The following RAP1B variants were observed in gnomAD, a reference collection of about 807,000 sequenced individuals.
The protein encoded by RAP1B is ras-related protein Rap-1b.
Under a neutral mutation model 27.5 loss-of-function variants are expected in RAP1B, and 1 was observed. The observed-to-expected ratio is 0.04, with a 90% CI of 0.01 to 0.17. RAP1B has a LOEUF of 0.17. Among genes scored for constraint, RAP1B ranks in the 10% least tolerant of loss-of-function variants. The probability of loss-of-function intolerance (pLI) is 1.00; values close to 1 mark genes in which losing one functional copy is unlikely to be tolerated. For synonymous variants in RAP1B, 75 were observed against 73.1 expected (o/e 1.03, Z -0.13); for missense variants, 84 against 214.8 (o/e 0.39, Z 3.81).
chr12:68,642,434 TA>T (rs1399862152), intron 1 of RAP1B: 9 of 624,832 alleles, frequency 1.4e-5, no homozygotes, highest in Non-Finnish European at 2.0e-5. Context: ...ATTATGGTGC[TA>T]TTGGTCTACT....
At position 68,648,409 on chromosome 12, in the gene RAP1B, G is replaced by A. The variant is rs60284374; in HGVS notation, c.-26-290G>A. On this transcript the variant is annotated intron_variant, in intron 1 of 7. Transcript: ENST00000250559. ...AACCACAGACAATACACAAATGAGTGGATATGGCTGTGTTTGAGTAAAACT... is the reference window on the plus strand; with the variant it reads ...AACCACAGACAATACACAAATGAGTAGATATGGCTGTGTTTGAGTAAAACT... Among the ~76,000 whole-genome samples the A allele has an allele frequency of 0.052, 7,913 of 152,198 alleles. 666 individuals carry two copies. The highest frequency in any genetic ancestry group is 0.18 in the African/African-American group (7,501 of 41,474).
chr12:68,634,487 A>G (rs1872492647), intron 1 of RAP1B, among the ~76,000 whole-genome samples: 1 of 152,050 alleles, frequency 6.6e-6, no homozygotes, highest in African/African-American at 2.4e-5. Context: ...TTTAAGTCAC[A>G]TCTAGAGAAT....
chr12:68,646,394 C>A (rs1248903800), intron 1 of RAP1B, among the ~76,000 whole-genome samples: 1 of 151,956 alleles, frequency 6.6e-6, no homozygotes, highest in African/African-American at 2.4e-5. Context: ...TTCTCGGGTT[C>A]ACTCGATTCT....
intron 1 of RAP1B, among the ~76,000 whole-genome samples, chr12:68,616,112 C>T (rs950094298): frequency 6.8e-4 from 102 of 150,230 alleles, no homozygotes; most frequent in Admixed American, 1.5e-3. Context: ...TACAGGCGCC[C>T]GCCACCACAC....
chr12:68,641,233 ACTC>A (rs1872979529), intron 1 of RAP1B: 1 of 151,726 alleles, frequency 6.6e-6, no homozygotes. Flanking sequence ...CTGGTCTTGA[ACTC>A]CTCCTGAGTT....
At chr12:68,658,240 T>C (rs574083364) in intron 7 of RAP1B, among the ~76,000 whole-genome samples, 1 of 152,378 alleles carries the variant, frequency 6.6e-6, no homozygotes, top group Non-Finnish European at 1.5e-5. Context: ...TATTCCTGCC[T>C]TCCATCTAGG....
intron 1 of RAP1B, among the ~76,000 whole-genome samples, chr12:68,643,662 A>G (rs1029875322): frequency 2.0e-5 from 3 of 152,132 alleles, no homozygotes; most frequent in Admixed American, 6.5e-5. Flanking sequence ...TCCAACATCA[A>G]TATTTTATAG....
chr12:68,646,302 GT>G (rs1387360865), intron 1 of RAP1B, among the ~76,000 whole-genome samples: 21 of 146,278 alleles, frequency 1.4e-4, no homozygotes, highest in Admixed American at 2.0e-4. Context: ...TTTTTGGTGT[GT>G]TTTTTTTTTT....
intron 1 of RAP1B, among the ~76,000 whole-genome samples, chr12:68,614,229 G>T (rs913631134): frequency 5.3e-5 from 8 of 152,104 alleles, no homozygotes; most frequent in Non-Finnish European, 1.0e-4. Flanking sequence ...ATCTGAAATT[G>T]GATCTGATAC....
chr12:68,616,464 T>C (rs1400136851), intron 1 of RAP1B, among the ~76,000 whole-genome samples: 3 of 117,364 alleles, frequency 2.6e-5, no homozygotes, highest in African/African-American at 9.4e-5. Flanking sequence ...TTTTTTTTTT[T>C]GAGACGGAGT....
At chr12:68,656,108 G>C (rs888778687) in intron 5 of RAP1B, among the ~76,000 whole-genome samples, 198 bp from the exon 6 acceptor site, 16 of 152,278 alleles carry the variant, frequency 1.1e-4, no homozygotes, top group African/African-American at 3.6e-4. Flanking sequence ...AGGCAGTGGA[G>C]ATAATTGACA....
chr12:68,661,584 G>A lies in RAP1B; in HGVS notation c.*2335G>A, dbSNP rs778445865. 4 of 151,838 alleles carry A rather than the reference G, an allele frequency of 2.6e-5. No individual in the cohort carries two copies. The highest frequency in any genetic ancestry group is 2.1e-4 in the South Asian group (1 of 4,826). 9.4% of individuals were successfully genotyped at this position (151,838 alleles called of 1,614,324 possible). On this transcript the variant is annotated 3_prime_UTR_variant, in exon 8 of 8. Transcript: ENST00000250559. ...TTTATGTTTGATAATGTATTCTGGC[G>A]ACTCTCCTGTGCATTATAGGAATTT...
chr12:68,622,385 C>CA (rs1871444962), intron 1 of RAP1B, among the ~76,000 whole-genome samples: 1 of 152,170 alleles, frequency 6.6e-6, no homozygotes, highest in Non-Finnish European at 1.5e-5. Flanking sequence ...CCTCCGGTCC[C>CA]AATTTACCCT....
chr12:68,652,030 A>G lies in RAP1B; in HGVS notation c.162A>G (p.Glu54=). 1.9e-6 allele frequency: 3 copies of G among 1,613,074 alleles called. No individual in the cohort carries two copies. The highest frequency in any genetic ancestry group is 1.7e-6 in the Non-Finnish European group (2 of 1,179,210). The part of the protein sequence containing the change: ...VEVDAQQCML[E]ILDTAGTEQF... ...TAGATGCACAACAGTGTATGCTTGAAATCTTGGATACTGCAGGAACGGTAG... is the reference window on the plus strand; with the variant it reads ...TAGATGCACAACAGTGTATGCTTGAGATCTTGGATACTGCAGGAACGGTAG... Residue 54 remains glutamate, a synonymous_variant, in exon 4 of 8, where the codon GAA becomes GAG. Transcript: ENST00000250559.
chr12:68,613,167 C>G (rs1029559751), intron 1 of RAP1B, among the ~76,000 whole-genome samples: 26 of 152,046 alleles, frequency 1.7e-4, no homozygotes, highest in African/African-American at 6.0e-4. Context: ...CGAGAACAGC[C>G]TGGGCAACAT....
intron 1 of RAP1B, among the ~76,000 whole-genome samples, chr12:68,611,477 C>T (rs1451282355): frequency 6.6e-6 from 1 of 151,826 alleles, no homozygotes; most frequent in Non-Finnish European, 1.5e-5. Flanking sequence ...GGGTTCCCTC[C>T]GTGGTATGGG....
At chr12:68,650,313 C>A in intron 2 of RAP1B, 87 bp from the exon 3 acceptor site, 5 of 1,246,058 alleles carry the variant, frequency 4.0e-6, no homozygotes, top group Non-Finnish European at 5.4e-6. Context: ...GGTGTAACTC[C>A]CTGTGTGAAC....
rs957622427 is a variant in RAP1B, at chr12:68,668,662, C to T, written c.*9413C>T. On this transcript the variant is annotated 3_prime_UTR_variant, in exon 8 of 8. Coordinates refer to ENST00000250559, the MANE Select transcript of RAP1B (RefSeq NM_001010942.3). ...TTCTTGGCTCTTCTTTTCTGCCGTCCTATGAATCACAAATAGAAGTTTAAG... is the reference window on the plus strand; with the variant it reads ...TTCTTGGCTCTTCTTTTCTGCCGTCTTATGAATCACAAATAGAAGTTTAAG... 5.3e-5 allele frequency: 8 copies of T among 152,108 alleles called. No homozygotes were observed. The highest frequency in any genetic ancestry group is 1.9e-4 in the African/African-American group (8 of 41,406). 9.4% of individuals were successfully genotyped at this position (152,108 alleles called of 1,614,324 possible). A position where few individuals can be genotyped will look rare whatever the true frequency, so the allele number is the denominator to read the frequency against.
At chr12:68,656,997 CATTA>C (rs1874252490) in intron 6 of RAP1B, 100 bp from the exon 7 acceptor site, 2 of 941,442 alleles carry the variant, frequency 2.1e-6, no homozygotes, top group Non-Finnish European at 3.3e-6. Flanking sequence ...CAATTCTGGG[CATTA>C]ATTTATATCC....
Sources: allele counts gnomAD v4.1 joint callset (sites outside exome capture counted in the v4.1 genomes callset), GRCh38; gene constraint gnomAD v4.1.1; transcripts MANE v1.5; gene names NCBI Gene and HGNC (gene_info 2026-07-23, HGNC 2026-07-21).